The following PLEKHG5 variants were observed in gnomAD, a reference collection of about 807,000 sequenced individuals.
PLEKHG5 encodes pleckstrin homology and RhoGEF domain containing G5, also known as pleckstrin homology domain-containing family G member 5.
Under a neutral mutation model 103.8 loss-of-function variants are expected in PLEKHG5, and 52 were observed. The ratio of observed to expected loss-of-function variants is 0.50; its 90% CI spans 0.40 to 0.63. The LOEUF (loss-of-function observed/expected upper bound fraction) is 0.63. PLEKHG5 is among the 30% of genes least tolerant of loss of function. The pLI is 0.00. For synonymous variants in PLEKHG5, 592 were observed against 575.5 expected, an observed-to-expected ratio of 1.03 and a Z score of -0.41; for missense variants, 1,205 against 1,347.6, an observed-to-expected ratio of 0.89 and a Z score of 1.66.
At chr1:6,500,901 T>C (rs1030553876), upstream of PLEKHG5, among the ~76,000 whole-genome samples, 9 of 152,312 alleles carry the variant, frequency 5.9e-5, no homozygotes, top group Admixed American at 5.9e-4. Context: ...CCCGACCCTG[T>C]CTCAGTCGCA....
At chr1:6,498,034 G>A (rs940244921), upstream of PLEKHG5, among the ~76,000 whole-genome samples, 1 of 149,278 alleles carries the variant, frequency 6.7e-6, no homozygotes, top group Non-Finnish European at 1.5e-5. Context: ...CCGCCGCCCT[G>A]ACTTCCAACA....
chr1:6,482,864 A>G (rs1644937963), intron 1 of PLEKHG5, among the ~76,000 whole-genome samples: 1 of 152,096 alleles, frequency 6.6e-6, no homozygotes, highest in Non-Finnish European at 1.5e-5. Context: ...ACACGCCACC[A>G]CACCCAGGTA....
In PLEKHG5 at chr1:6,505,502, G is replaced by A. The variant is rs980056776; in HGVS notation, c.-164-8933C>T. Among the ~76,000 whole-genome samples, 2 of 151,982 alleles carry A rather than the reference G, an allele frequency of 1.3e-5. No homozygotes were observed. Among genetic ancestry groups the A allele is most frequent in the African/African-American group, 2.4e-5 (1 of 41,370 alleles). Reference sequence around the variant, plus strand: ...CTCTCACCCCCAGGAGCAGTCCAACGTCCCACCCCTCTAAACACAAGCCAC... The same window carrying A: ...CTCTCACCCCCAGGAGCAGTCCAACATCCCACCCCTCTAAACACAAGCCAC... On this transcript the variant is annotated intron_variant, in intron 1 of 21. Transcript: ENST00000377740. The surrounding 1 kb of genome is among the most constrained non-coding windows in gnomAD (Gnocchi z 4.2).
At chr1:6,497,298 C>T (rs753524872), upstream of PLEKHG5, 34 of 1,059,014 alleles carry the variant, frequency 3.2e-5, no homozygotes, top group Middle Eastern at 2.9e-4. The surrounding 1 kb of genome is among the most constrained non-coding windows in gnomAD (Gnocchi z 6.1). Flanking sequence ...CCCGCGTCCG[C>T]CGGGTCCCCG....
At chr1:6,510,227 T>G (rs770569764) in intron 1 of PLEKHG5, among the ~76,000 whole-genome samples, 65 of 152,192 alleles carry the variant, frequency 4.3e-4, no homozygotes, top group Non-Finnish European at 7.5e-4. Flanking sequence ...CCCTGCCCTC[T>G]GGCTCTCCTG....
Position 6,512,282 on chromosome 1 carries a change from G to A in PLEKHG5, c.-165+7163C>T, listed in dbSNP as rs192478332. On this transcript the variant is annotated intron_variant, in intron 1 of 21. Transcript: ENST00000377740. ...ACATGCTGTGGGGTCATCCCAGGCC[G>A]AGCGAGTTGTCCTTCCTGCTCAGCA... Among the ~76,000 whole-genome samples, 19 of 152,304 alleles carry A rather than the reference G, an allele frequency of 1.2e-4. No homozygotes were observed. The East Asian group carries it at 2.7e-3, about 22-fold the overall frequency.
chr1:6,492,209 A>G (rs1246850569), upstream of PLEKHG5, among the ~76,000 whole-genome samples: 1 of 152,174 alleles, frequency 6.6e-6, no homozygotes, highest in Non-Finnish European at 1.5e-5. Flanking sequence ...TGCTGGATCA[A>G]TGGCGGCTGC....
At chr1:6,509,291 GC>G (rs1638411825) in intron 1 of PLEKHG5, among the ~76,000 whole-genome samples, 1 of 152,252 alleles carries the variant, frequency 6.6e-6, no homozygotes, top group Admixed American at 6.5e-5. Context: ...CTGGCCTGGG[GC>G]TGGAACCAGG....
rs1227703521 is a variant in PLEKHG5, at chr1:6,474,509, T to C, written c.381A>G (p.Thr127=). Residue 127 remains threonine (T), a synonymous_variant, in exon 6 of 21, where the codon ACA becomes ACG. Coordinates refer to ENST00000377728, the MANE Select transcript of PLEKHG5 (RefSeq NM_020631.6). ...KVDIYLDQSN[T]PLSLTFEAYR... is the part of the protein sequence containing the mutation. ...AGGCCTCGAAGGTGAGGGACAGGGG[T>C]GTGTTGGACTGGTCCAGGTAGATGT... The C allele has an allele frequency of 2.5e-6, 4 of 1,613,580 alleles. No homozygotes were observed.
chr1:6,507,071 A>G (rs1011685622), intron 1 of PLEKHG5, among the ~76,000 whole-genome samples: 3 of 152,218 alleles, frequency 2.0e-5, no homozygotes, highest in African/African-American at 7.2e-5. Context: ...GGAAATGAAA[A>G]GCCACTGGTC....
Position 6,467,918 on chromosome 1 carries a change from G to T in PLEKHG5, c.2918C>A (p.Pro973Gln). The stretch of plus-strand genomic sequence containing the variant: ...CCTGTGCTGGGCAGAGACCCCTGGT[G>T]GGGGCTCAGGCTGGACCCTGGGAGA... ...GASPRVQPEPPPGVSAQHRKL... is the reference protein window; with the variant it reads ...GASPRVQPEPQPGVSAQHRKL... The change falls in exon 20 of 21, where the codon CCA (proline) becomes CAA (glutamine). Residue 973 changes from proline to glutamine, a missense_variant. Transcript: ENST00000377728. 1 of 1,597,678 alleles carries T rather than the reference G, an allele frequency of 6.3e-7. No homozygotes were observed. Among genetic ancestry groups the T allele is most frequent in the Non-Finnish European group, 8.5e-7 (1 of 1,172,990 alleles).
chr1:6,488,899 C>T (rs916364692), intron 1 of PLEKHG5, among the ~76,000 whole-genome samples: 2 of 152,106 alleles, frequency 1.3e-5, no homozygotes, highest in African/African-American at 2.4e-5. Flanking sequence ...AGGACCCCCG[C>T]ACCCGGCTGT....
intron 1 of PLEKHG5, chr1:6,485,354 G>C (rs917659260): frequency 2.1e-6 from 3 of 1,422,272 alleles, no homozygotes; most frequent in East Asian, 3.0e-5. Context: ...CACGACCCCC[G>C]GCCCAGGAGG....
chr1:6,517,720 GGAGACA>G (rs1638662414), intron 1 of PLEKHG5, among the ~76,000 whole-genome samples: 1 of 152,180 alleles, frequency 6.6e-6, no homozygotes, highest in Non-Finnish European at 1.5e-5. Context: ...CAGCCATCAG[GGAGACA>G]GAGATAAAGG....
At chr1:6,515,107 A>G (rs1453329550) in intron 1 of PLEKHG5, among the ~76,000 whole-genome samples, 6 of 152,024 alleles carry the variant, frequency 3.9e-5, no homozygotes, top group African/African-American at 7.3e-5. Context: ...AATTTTGGAT[A>G]TAACAACAGC....
rs2986738 is a variant in PLEKHG5 at position 6,487,610 on chromosome 1, G to C, written c.-88+4027C>G. Among the ~76,000 whole-genome samples, 37,439 of 151,942 alleles carry C rather than the reference G, an allele frequency of 0.25. 6,949 individuals carry two copies. Among genetic ancestry groups the C allele is most frequent in the African/African-American group, 0.52 (21,660 of 41,378 alleles). On this transcript the variant is annotated intron_variant, in intron 1 of 20. Coordinates refer to ENST00000377728, the MANE Select transcript of PLEKHG5 (RefSeq NM_020631.6). The surrounding 1 kb of genome is among the most constrained non-coding windows in gnomAD (Gnocchi z 4.1). ...TCTGGAATTCCACGCACCCTATCTT[G>C]AAACAGCTGACACCGGGCCCCAACT...
upstream of PLEKHG5, among the ~76,000 whole-genome samples, chr1:6,500,975 A>C (rs962432787): frequency 3.3e-5 from 5 of 152,242 alleles, no homozygotes; most frequent in African/African-American, 1.2e-4. Context: ...GGGCGCGGGC[A>C]GAACGGCCGG....
chr1:6,519,041 A>C (rs1638703536), intron 1 of PLEKHG5, among the ~76,000 whole-genome samples: 1 of 152,086 alleles, frequency 6.6e-6, no homozygotes, highest in Non-Finnish European at 1.5e-5. Flanking sequence ...ACGGGGTTTC[A>C]CCGTGTTAAC....
At position 6,485,193 on chromosome 1, in the gene PLEKHG5, G is replaced by A. The variant is rs886222528; in HGVS notation, c.-88+6444C>T. 4.7e-5 allele frequency: 28 copies of A among 589,880 alleles called. No homozygotes were observed. In the African/African-American group the frequency reaches 5.2e-4, roughly 11 times the overall value. The allele number at this position is 589,880 out of a possible 1,614,324, so 36.5% of individuals were successfully genotyped here. On this transcript the variant is annotated intron_variant, in intron 1 of 20. Transcript: ENST00000377728. ...GTAGGGGGCTCGGCCGCCATGGGCC[G>A]CATCCTTCCCCTGGGGGCCGCGGGG...
Sources: allele counts gnomAD v4.1 joint callset (sites outside exome capture counted in the v4.1 genomes callset), GRCh38; gene constraint gnomAD v4.1.1; non-coding constraint Gnocchi (gnomAD v3.1); transcripts MANE v1.5; gene names NCBI Gene and HGNC (gene_info 2026-07-23, HGNC 2026-07-21).